The following RASA3 variants were observed in gnomAD, a reference collection of about 807,000 sequenced individuals.
The protein encoded by RASA3 is ras GTPase-activating protein 3.
In RASA3, 73 loss-of-function variants were observed where a neutral mutation model predicts 110.0. The observed-to-expected ratio is 0.66, with a 90% CI of 0.55 to 0.81. The LOEUF is 0.81. Among genes scored for constraint, RASA3 ranks in the 30% least tolerant of loss-of-function variants. The probability of loss-of-function intolerance (pLI) is 0.00; values close to 1 mark genes in which losing one functional copy is unlikely to be tolerated. For synonymous variants in RASA3, 500 were observed against 451.4 expected, an observed-to-expected ratio of 1.11 and a Z score of -1.37; for missense variants, 976 against 1,113.2, an observed-to-expected ratio of 0.88 and a Z score of 1.75.
intron 3 of RASA3, among the ~76,000 whole-genome samples, chr13:114,041,558 A>G (rs981249864): frequency 3.3e-5 from 5 of 152,220 alleles, no homozygotes; most frequent in Admixed American, 3.3e-4. Flanking sequence ...GCTGCACCAG[A>G]GCTCTGATCT....
rs1032674969 is a variant in RASA3 at position 114,096,135 on chromosome 13, G to T, written c.56-22298C>A. On this transcript the variant is annotated intron_variant, in intron 1 of 23. Coordinates refer to ENST00000334062, the MANE Select transcript of RASA3 (RefSeq NM_007368.4). The surrounding 1 kb of genome is among the most constrained non-coding windows in gnomAD (Gnocchi z 5.1). ...CTGGGAAGGGGGTGCTCTCTGGGTG[G>T]CCTGGGTGGCATCGGTGTGCCGGAA... Among the ~76,000 whole-genome samples the T allele has an allele frequency of 8.0e-5, 12 of 150,906 alleles. No homozygotes were observed. Among genetic ancestry groups the T allele is most frequent in the African/African-American group, 2.9e-4 (12 of 40,998 alleles).
At position 114,038,995 on chromosome 13, in the gene RASA3, G is replaced by A. The variant is rs185675539; in HGVS notation, c.372+2005C>T. ...CATCACAGCCACCAATTTACGATGCGCCAGGTGCCTTCGAGTGGCACACAC... is the reference window on the plus strand; with the variant it reads ...CATCACAGCCACCAATTTACGATGCACCAGGTGCCTTCGAGTGGCACACAC... On this transcript the variant is annotated intron_variant, in intron 4 of 23. Coordinates refer to ENST00000334062, the MANE Select transcript of RASA3 (RefSeq NM_007368.4). 2.4e-4 allele frequency among the ~76,000 whole-genome samples: 37 copies of A among 152,344 alleles called. 1 individual carries two copies. In the East Asian group the frequency reaches 6.8e-3, roughly 28 times the overall value.
chr13:114,019,003 G>C, intron 9 of RASA3, 84 bp from the exon 10 acceptor site: 2 of 1,537,912 alleles, frequency 1.3e-6, no homozygotes, highest in Non-Finnish European at 1.8e-6. Flanking sequence ...CTGCCTGCTT[G>C]AGGTCGACTG....
At chr13:113,990,507 C>G (rs1027593655) in intron 22 of RASA3, among the ~76,000 whole-genome samples, 2 of 152,236 alleles carry the variant, frequency 1.3e-5, no homozygotes, top group Non-Finnish European at 2.9e-5. Context: ...CTCCCTGACT[C>G]TGGCCTCTGC....
intron 2 of RASA3, among the ~76,000 whole-genome samples, chr13:114,071,173 A>G (rs1450134015): frequency 6.6e-6 from 1 of 152,198 alleles, no homozygotes; most frequent in Non-Finnish European, 1.5e-5. Flanking sequence ...GCTGAAGTGC[A>G]GTGATGTAAT....
chr13:114,105,922 C>T (rs1288078872), intron 1 of RASA3, among the ~76,000 whole-genome samples: 2 of 152,196 alleles, frequency 1.3e-5, no homozygotes, highest in East Asian at 3.8e-4. Context: ...GGGCATTCCA[C>T]AGTGCAAGAC....
intron 22 of RASA3, among the ~76,000 whole-genome samples, chr13:113,991,544 T>C (rs1400819018): frequency 6.6e-6 from 1 of 152,218 alleles, no homozygotes; most frequent in Non-Finnish European, 1.5e-5. Flanking sequence ...GGGCTTTTCT[T>C]GTCTCTGCCT....
At chr13:113,992,152 CACAT>C (rs1255196201) in intron 22 of RASA3, among the ~76,000 whole-genome samples, 6 of 152,210 alleles carry the variant, frequency 3.9e-5, no homozygotes, top group African/African-American at 7.2e-5. Context: ...CAAGCACACT[CACAT>C]ACGTGTCCAC....
At chr13:114,087,487 G>A (rs1018684337) in intron 1 of RASA3, among the ~76,000 whole-genome samples, 2 of 152,238 alleles carry the variant, frequency 1.3e-5, no homozygotes, top group East Asian at 1.9e-4. Context: ...CGCGCTACAC[G>A]AGCTTTTGAA....
At chr13:114,103,488 A>G (rs1335628873) in intron 1 of RASA3, among the ~76,000 whole-genome samples, 2 of 150,812 alleles carry the variant, frequency 1.3e-5, no homozygotes, top group African/African-American at 4.9e-5. Context: ...AGCACCTGAC[A>G]CCGGAGCCCG....
chr13:114,031,364 T>C (rs938968898), intron 4 of RASA3, among the ~76,000 whole-genome samples: 1 of 152,006 alleles, frequency 6.6e-6, no homozygotes, highest in African/African-American at 2.4e-5. Flanking sequence ...TGTGTGTGTG[T>C]GCGACTATGT....
At chr13:114,099,993 C>G (rs1173544147) in intron 1 of RASA3, among the ~76,000 whole-genome samples, 1 of 113,126 alleles carries the variant, frequency 8.8e-6, no homozygotes, top group Non-Finnish European at 1.8e-5. Context: ...AGTTTTATCT[C>G]CTTAACTCTA....
At chr13:114,111,198 G>C in intron 1 of RASA3, among the ~76,000 whole-genome samples, 1 of 57,116 alleles carries the variant, frequency 1.8e-5, no homozygotes, top group Non-Finnish European at 3.7e-5. Flanking sequence ...GCTGCAGGCC[G>C]AGTTCTAACG....
At position 114,115,356 on chromosome 13, in the gene RASA3, C is replaced by T. The variant is rs931660912; in HGVS notation, c.55+17079G>A. Among the ~76,000 whole-genome samples, 18 of 152,168 alleles carry T rather than the reference C, an allele frequency of 1.2e-4. No individual in the cohort carries two copies. The highest frequency in any genetic ancestry group is 3.9e-4 in the African/African-American group (16 of 41,422). ...TGACACAGAGGCTGGACAGTCACAC[C>T]GACCCTTGGCCCGGGCGAGGCCACG... On this transcript the variant is annotated intron_variant, in intron 1 of 23. Coordinates refer to ENST00000334062, the MANE Select transcript of RASA3 (RefSeq NM_007368.4). The surrounding 1 kb of genome is among the most constrained non-coding windows in gnomAD (Gnocchi z 5.0).
chr13:114,088,583 C>A (rs2079849793), intron 1 of RASA3, among the ~76,000 whole-genome samples: 1 of 147,752 alleles, frequency 6.8e-6, no homozygotes, highest in Non-Finnish European at 1.5e-5. Context: ...CGGAGTTTCA[C>A]TTTTATTGCC....
chr13:114,129,681 G>A lies in RASA3; in HGVS notation c.55+2754C>T, dbSNP rs561367834. Among the ~76,000 whole-genome samples, 3 of 152,318 alleles carry A rather than the reference G, an allele frequency of 2.0e-5. No individual in the cohort carries two copies. In the South Asian group the frequency reaches 6.2e-4, roughly 32 times the overall value. On this transcript the variant is annotated intron_variant, in intron 1 of 23. Transcript: ENST00000334062. ...GGACAATTCTTGTTCTGGGAGTGAG[G>A]GGGCAGGGTGTTAACTTAACCCTGA...
At chr13:114,087,369 C>T (rs1372551288) in intron 1 of RASA3, among the ~76,000 whole-genome samples, 1 of 152,228 alleles carries the variant, frequency 6.6e-6, no homozygotes, top group Non-Finnish European at 1.5e-5. Flanking sequence ...TTATTCCCTT[C>T]GTCCTCAGCG....
chr13:114,122,685 C>T (rs1275100350), intron 1 of RASA3, among the ~76,000 whole-genome samples: 1 of 139,314 alleles, frequency 7.2e-6, no homozygotes, highest in Non-Finnish European at 1.6e-5. Context: ...GCACAGCATT[C>T]AGGAGAACCA....
intron 3 of RASA3, among the ~76,000 whole-genome samples, chr13:114,051,024 G>A (rs147751030): frequency 6.6e-6 from 1 of 152,238 alleles, no homozygotes; most frequent in Non-Finnish European, 1.5e-5. Context: ...CCGTGACACG[G>A]TGTGAGGAGC....
Sources: gnomAD v4.1 joint callset for allele counts (sites outside exome capture counted in the v4.1 genomes callset) on GRCh38, gnomAD v4.1.1 for gene constraint, Gnocchi (gnomAD v3.1) non-coding constraint, MANE v1.5 for transcripts, NCBI Gene and HGNC (gene_info 2026-07-23, HGNC 2026-07-21) for gene names.